Variants in EPS15 observed in about 807,000 individuals in gnomAD.
The protein encoded by EPS15 is epidermal growth factor receptor substrate 15.
EPS15 carries 72 observed loss-of-function variants against 113.8 expected under a neutral mutation model. The ratio of observed to expected loss-of-function variants is 0.63; its 90% CI spans 0.52 to 0.77. EPS15 has a LOEUF of 0.77. EPS15 is among the 30% of genes least tolerant of loss of function. The pLI is 0.00. For missense variants in EPS15, 1,048 were observed against 1,045.8 expected, an observed-to-expected ratio of 1.00 and a Z score of -0.03; for synonymous variants, 344 against 363.4, an observed-to-expected ratio of 0.95 and a Z score of 0.61.
At position 51,355,729 on chromosome 1, in the gene EPS15, A is replaced by T. The variant is rs187802399; in HGVS notation, c.*971T>A. ...AGCCTTCATTAAAAAAAAAAAAACAAATATATATGAAAAATTAAAGTACCT... is the reference window on the plus strand; with the variant it reads ...AGCCTTCATTAAAAAAAAAAAAACATATATATATGAAAAATTAAAGTACCT... On this transcript the variant is annotated 3_prime_UTR_variant, in exon 25 of 25. Coordinates refer to ENST00000371733, the MANE Select transcript of EPS15 (RefSeq NM_001981.3). 1.1e-3 allele frequency: 204 copies of T among 189,056 alleles called. No individual in the cohort carries two copies. Among genetic ancestry groups the T allele is most frequent in the African/African-American group, 4.6e-3 (197 of 42,840 alleles). The allele number at this position is 189,056 out of a possible 1,614,324, so 11.7% of individuals were successfully genotyped here.
chr1:51,361,433 C>T (rs1387222914), intron 23 of EPS15, 78 bp from the exon 24 acceptor site: 18 of 1,075,146 alleles, frequency 1.7e-5, no homozygotes, highest in Non-Finnish European at 2.1e-5. Flanking sequence ...ACACAGATAG[C>T]ATTAAAGTAC....
chr1:51,414,135 G>A (rs138995346), intron 13 of EPS15, among the ~76,000 whole-genome samples: 156 of 152,182 alleles, frequency 1.0e-3, no homozygotes, highest in African/African-American at 3.6e-3. Context: ...CTATTGAGCC[G>A]GCAAAGTGGC....
intron 17 of EPS15, among the ~76,000 whole-genome samples, chr1:51,402,891 T>C (rs963709992): frequency 1.9e-4 from 29 of 152,080 alleles, no homozygotes; most frequent in Admixed American, 1.8e-3. Context: ...GGTGACAGAG[T>C]GAGACTTGGT....
chr1:51,399,054 G>A lies in EPS15; in HGVS notation c.2030C>T (p.Ala677Val), dbSNP rs1648246930. 1 of 1,613,224 alleles carries A rather than the reference G, an allele frequency of 6.2e-7. No individual in the cohort carries two copies. The highest frequency in any genetic ancestry group is 8.5e-7 in the Non-Finnish European group (1 of 1,179,570). Residue 677 changes from alanine (A) to valine (V), a missense_variant, in exon 20 of 25, where the codon GCC becomes GTC. Ala to Val is a moderately conservative substitution (Grantham distance 64). Coordinates refer to ENST00000371733, the MANE Select transcript of EPS15 (RefSeq NM_001981.3). The stretch of plus-strand genomic sequence containing the variant: ...TACCGATGTAATACTGCTATTGTTG[G>A]CTGCACTGAAAGGGTCAGTGCTTGA... ...ATSSTDPFSAANNSSITSVET... is the reference protein window; with the variant it reads ...ATSSTDPFSAVNNSSITSVET...
At position 51,444,955 on chromosome 1, in the gene EPS15, G is replaced by A. The variant is rs1291598072; in HGVS notation, c.888C>T (p.Gly296=). ...GAGTAAGAACGTGAGGAGGATCAAT[G>A]CCCTTGATTAACTTCTGACTGATTA... ...FHLISQKLIK[G]IDPPHVLTPE... The change falls in exon 11 of 25, where the codon GGC becomes GGT. Residue 296 remains glycine, a synonymous_variant. Coordinates refer to ENST00000371733, the MANE Select transcript of EPS15 (RefSeq NM_001981.3). 1.2e-6 allele frequency: 2 copies of A among 1,613,914 alleles called. No homozygotes were observed. Among genetic ancestry groups the A allele is most frequent in the East Asian group, 2.2e-5 (1 of 44,870 alleles).
At chr1:51,462,969 T>C (rs768175896) in intron 7 of EPS15, among the ~76,000 whole-genome samples, 2 of 147,600 alleles carry the variant, frequency 1.4e-5, no homozygotes, top group South Asian at 4.4e-4. Flanking sequence ...CACTGCCTCC[T>C]GGGTTCACGC....
intron 13 of EPS15, among the ~76,000 whole-genome samples, chr1:51,416,492 A>C (rs535630175): frequency 6.6e-6 from 1 of 152,332 alleles, no homozygotes; most frequent in South Asian, 2.1e-4. Flanking sequence ...TAGAAATTAA[A>C]GGATATTTGA....
chr1:51,483,158 C>CGACT (rs981151315), intron 1 of EPS15, among the ~76,000 whole-genome samples: 1 of 152,090 alleles, frequency 6.6e-6, no homozygotes, highest in African/African-American at 2.4e-5. Flanking sequence ...GCCCATTAGT[C>CGACT]ACTTAGTAGC....
At chr1:51,478,204 T>G (rs534819582) in intron 2 of EPS15, among the ~76,000 whole-genome samples, 1 of 152,210 alleles carries the variant, frequency 6.6e-6, no homozygotes, top group Non-Finnish European at 1.5e-5. Context: ...TTTACCATTA[T>G]GTAATGGCCT....
At chr1:51,463,831 A>G (rs762034284) in intron 6 of EPS15, 33 bp from the exon 7 acceptor site, 1 of 1,428,274 alleles carries the variant, frequency 7.0e-7, no homozygotes, top group East Asian at 2.3e-5. Flanking sequence ...AAGTTAAATA[A>G]TAAGAGAAAA....
intron 1 of EPS15, among the ~76,000 whole-genome samples, chr1:51,486,389 C>T (rs1165222392): frequency 2.1e-5 from 3 of 140,492 alleles, no homozygotes; most frequent in African/African-American, 8.0e-5. Context: ...TGTGCCATTG[C>T]ACTCCAGCCT....
At chr1:51,356,874 C>A in intron 24 of EPS15, 28 bp from the exon 25 acceptor site, 5 of 1,585,698 alleles carry the variant, frequency 3.2e-6, no homozygotes, top group African/African-American at 1.4e-5. Flanking sequence ...GATGAACAAA[C>A]GAATAAATAA....
In EPS15 at chr1:51,406,809, A is replaced by C. The variant is rs548818165; in HGVS notation, c.1474-701T>G. ...ATGTGTAAGTTCCCAGACCAAAACC[A>C]TGACTCTGCTAGGGGAGACAGACAT... is the stretch of plus-strand genomic sequence containing the variant. On this transcript the variant is annotated intron_variant, in intron 15 of 24. Transcript: ENST00000371733. 2.6e-5 allele frequency among the ~76,000 whole-genome samples: 4 copies of C among 152,320 alleles called. No homozygotes were observed. The East Asian group carries it at 7.7e-4, about 29-fold the overall frequency.
intron 1 of EPS15, among the ~76,000 whole-genome samples, chr1:51,497,309 G>A (rs1367450821): frequency 1.3e-5 from 2 of 152,116 alleles, no homozygotes; most frequent in Non-Finnish European, 2.9e-5. Flanking sequence ...ATTTTAAGAA[G>A]CAGAAAAATA....
chr1:51,485,182 AT>A, intron 1 of EPS15, among the ~76,000 whole-genome samples: 1 of 152,344 alleles, frequency 6.6e-6, no homozygotes, highest in East Asian at 1.9e-4. Context: ...AAACGTCAAC[AT>A]TTATAAATGT....
intron 13 of EPS15, among the ~76,000 whole-genome samples, chr1:51,420,735 C>T (rs1009606046): frequency 1.6e-4 from 24 of 151,918 alleles, no homozygotes; most frequent in Admixed American, 1.3e-3. Context: ...ATGTAGTCAC[C>T]CAATCAGAGA....
At chr1:51,505,716 A>C (rs575807473) in intron 1 of EPS15, among the ~76,000 whole-genome samples, 36 of 152,306 alleles carry the variant, frequency 2.4e-4, no homozygotes, top group African/African-American at 8.4e-4. Context: ...AAATTTTAGA[A>C]AAGAACAATG....
intron 1 of EPS15, among the ~76,000 whole-genome samples, chr1:51,497,917 C>T (rs1644352620): frequency 6.7e-6 from 1 of 148,742 alleles, no homozygotes; most frequent in African/African-American, 2.5e-5. Context: ...GCAGAGGTTG[C>T]AGTGAGGCGA....
At chr1:51,414,183 G>A (rs1045090937) in intron 13 of EPS15, among the ~76,000 whole-genome samples, 1 of 152,208 alleles carries the variant, frequency 6.6e-6, no homozygotes, top group South Asian at 2.1e-4. Context: ...AGGCTGAGAC[G>A]GGTGGATGAC....
Sources: allele counts gnomAD v4.1 joint callset (sites outside exome capture counted in the v4.1 genomes callset), GRCh38; gene constraint gnomAD v4.1.1; transcripts MANE v1.5; gene names NCBI Gene and HGNC (gene_info 2026-07-23, HGNC 2026-07-21).